The following AMDHD2 variants were observed in gnomAD, a reference collection of about 807,000 sequenced individuals.
AMDHD2 encodes the protein N-acetylglucosamine-6-phosphate deacetylase.
A neutral mutation model predicts 41.8 loss-of-function variants in AMDHD2; 24 were observed. That is an observed-to-expected ratio of 0.57 (90% confidence interval 0.42 to 0.81). The LOEUF is 0.81. AMDHD2 is among the 30% of genes least tolerant of loss of function. The pLI is 0.00. For missense variants in AMDHD2, 540 were observed against 588.5 expected (o/e 0.92, Z 0.85); for synonymous variants, 332 against 255.5 (o/e 1.30, Z -2.85).
Position 2,528,161 on chromosome 16 carries a change from G to A in AMDHD2, c.717+13G>A. On this transcript the variant is annotated intron_variant, in intron 6 of 10. Coordinates refer to ENST00000293971, the MANE Select transcript of AMDHD2 (RefSeq NM_001330449.2). ...CGCCATGCTGCCTGTGAGTGCTATG[G>A]GGCCCCAGGGGCGGGGCTGGGGTCC... The A allele has an allele frequency of 6.2e-7, 1 of 1,612,802 alleles. No individual in the cohort carries two copies. The highest frequency in any genetic ancestry group is 1.3e-5 in the African/African-American group (1 of 74,996).
In AMDHD2 at chr16:2,527,653, G is replaced by A; in HGVS notation, c.415+38G>A. The A allele has an allele frequency of 1.3e-6, 2 of 1,592,094 alleles. No homozygotes were observed. The highest frequency in any genetic ancestry group is 1.7e-6 in the Non-Finnish European group (2 of 1,170,306). ...CCTCCTCCCCGCCCCCACCCTGGGA[G>A]GCTCCTGCGGGACCTGTTGGCAGCC... On this transcript the variant is annotated intron_variant, in intron 4 of 10. Transcript: ENST00000293971. This position sits in a 1 kb window ranked among gnomAD's most constrained non-coding sequence, Gnocchi z 6.1.
chr16:2,528,919 T>C, intron 9 of AMDHD2, 75 bp from the exon 10 acceptor site: 1 of 1,494,344 alleles, frequency 6.7e-7, no homozygotes, highest in East Asian at 2.4e-5. Flanking sequence ...AGACAGGGAG[T>C]GCTGGTGTGG....
chr16:2,521,090 C>T lies in AMDHD2; in HGVS notation c.327C>T (p.Thr109=), dbSNP rs371868188. 9 of 1,603,920 alleles carry T rather than the reference C, an allele frequency of 5.6e-6. No individual in the cohort carries two copies. The highest frequency in any genetic ancestry group is 4.5e-5 in the East Asian group (2 of 44,330). The part of the protein sequence containing the change: ...LSHGVTSFCP[T]LVTSPPEVYH... The stretch of plus-strand genomic sequence containing the variant: ...ACGGCGTCACCTCCTTCTGCCCCAC[C>T]CTGGTCACTTCCCCACCGGAGGTTT... The change falls in exon 3 of 11, where the codon ACC becomes ACT. Residue 109 remains threonine, a synonymous_variant. Coordinates refer to ENST00000293971, the MANE Select transcript of AMDHD2 (RefSeq NM_001330449.2).
chr16:2,520,660 G>C, intron 1 of AMDHD2, 109 bp from the exon 2 acceptor site: 1 of 1,292,176 alleles, frequency 7.7e-7, no homozygotes, highest in South Asian at 1.9e-5. Flanking sequence ...AGGGTGCGGG[G>C]CCGGGGACCG....
At position 2,520,512 on chromosome 16, in the gene AMDHD2, C is replaced by T; in HGVS notation, c.54C>T (p.Cys18=). The stretch of plus-strand genomic sequence containing the variant: ...CCCGCGTGCTCCAGTTCACTAACTG[C>T]CGGATCCTGCGCGGAGGGAAACTGC... ...AGARVLQFTN[C]RILRGGKLLR... Residue 18 remains cysteine, a synonymous_variant, in exon 1 of 11, where the codon TGC becomes TGT. Transcript: ENST00000293971. 1.6e-6 allele frequency: 2 copies of T among 1,237,070 alleles called. No homozygotes were observed. The highest frequency in any genetic ancestry group is 2.0e-6 in the Non-Finnish European group (2 of 983,692). 76.6% of individuals were successfully genotyped at this position (1,237,070 alleles called of 1,614,324 possible). A position where few individuals can be genotyped will look rare whatever the true frequency, so the allele number is the denominator to read the frequency against.
At chr16:2,529,292 G>T in intron 10 of AMDHD2, 183 bp from the exon 11 acceptor site, 1 of 1,117,664 alleles carries the variant, frequency 8.9e-7, no homozygotes, top group Non-Finnish European at 1.3e-6. Context: ...GACAAGGCCA[G>T]GCAAGGGGTT....
chr16:2,528,913 A>AGG (rs1491143395), intron 9 of AMDHD2, 81 bp from the exon 10 acceptor site: 1 of 1,486,142 alleles, frequency 6.7e-7, no homozygotes, highest in Non-Finnish European at 9.1e-7. Context: ...TCCCTGAGAC[A>AGG]GGGAGTGCTG....
chr16:2,528,905 C>A, intron 9 of AMDHD2, 89 bp from the exon 10 acceptor site: 1 of 1,482,796 alleles, frequency 6.7e-7, no homozygotes, highest in African/African-American at 1.4e-5. Flanking sequence ...CTGCAGAGTC[C>A]CTGAGACAGG....
intron 3 of AMDHD2, among the ~76,000 whole-genome samples, chr16:2,524,594 C>T (rs1271837617): frequency 6.6e-6 from 1 of 152,064 alleles, no homozygotes; most frequent in Non-Finnish European, 1.5e-5. Flanking sequence ...TTGTTTTTTT[C>T]CTGTTTTAAT....
chr16:2,530,180 G>C lies in AMDHD2; in HGVS notation c.*617G>C, dbSNP rs1327756027. The C allele has an allele frequency of 9.4e-6, 14 of 1,482,712 alleles. No individual in the cohort carries two copies. Among genetic ancestry groups the C allele is most frequent in the African/African-American group, 1.4e-5 (1 of 72,064 alleles). 91.8% of individuals were successfully genotyped at this position (1,482,712 alleles called of 1,614,324 possible). On this transcript the variant is annotated 3_prime_UTR_variant, in exon 11 of 11. Coordinates refer to ENST00000293971, the MANE Select transcript of AMDHD2 (RefSeq NM_001330449.2). ...ACCCCTGTTTTCTGCTCCCTGGACT[G>C]CCTAGCCCTGAGTGCCACGGATGAC... is the stretch of plus-strand genomic sequence containing the variant.
chr16:2,525,401 T>C (rs2065990757), intron 3 of AMDHD2, among the ~76,000 whole-genome samples: 1 of 146,034 alleles, frequency 6.8e-6, no homozygotes, highest in Non-Finnish European at 1.5e-5. Flanking sequence ...AGTTTCGCTC[T>C]TGTTGCCCGG....
chr16:2,531,274 A>G lies in AMDHD2; in HGVS notation c.*1711A>G. ...CAGGGCTAGCCCTGGGTGGTGGGAGAGGGGCCCAGGGTCAGGGTGAGAGAG... is the reference window on the plus strand; with the variant it reads ...CAGGGCTAGCCCTGGGTGGTGGGAGGGGGGCCCAGGGTCAGGGTGAGAGAG... On this transcript the variant is annotated 3_prime_UTR_variant, in exon 11 of 11. Transcript: ENST00000293971. 1.6e-6 allele frequency: 1 copy of G among 624,178 alleles called. No individual in the cohort carries two copies. The highest frequency in any genetic ancestry group is 2.8e-6 in the Non-Finnish European group (1 of 358,128). The allele number at this position is 624,178 out of a possible 1,614,324, so 38.7% of individuals were successfully genotyped here.
At position 2,530,521 on chromosome 16, in the gene AMDHD2, T is replaced by C. The variant is rs771162870; in HGVS notation, c.*958T>C. On this transcript the variant is annotated 3_prime_UTR_variant, in exon 11 of 11. Transcript: ENST00000293971. The stretch of plus-strand genomic sequence containing the variant: ...TGGTGCAGCCCCACGTCAGGGGTGA[T>C]TGTCTTGACTTTCTCTCCATTTGAG... 1.4e-5 allele frequency: 22 copies of C among 1,614,002 alleles called. No homozygotes were observed. The highest frequency in any genetic ancestry group is 3.3e-5 in the South Asian group (3 of 91,090).
In AMDHD2 at chr16:2,531,268, T is replaced by G. The variant is rs994353468; in HGVS notation, c.*1705T>G. 21 of 653,472 alleles carry G rather than the reference T, an allele frequency of 3.2e-5. No homozygotes were observed. Among genetic ancestry groups the G allele is most frequent in the Admixed American group, 6.2e-5 (2 of 32,336 alleles). The allele number at this position is 653,472 out of a possible 1,614,324, so 40.5% of individuals were successfully genotyped here. A position where few individuals can be genotyped will look rare whatever the true frequency, so the allele number is the denominator to read the frequency against. On this transcript the variant is annotated 3_prime_UTR_variant, in exon 11 of 11. Coordinates refer to ENST00000293971, the MANE Select transcript of AMDHD2 (RefSeq NM_001330449.2). ...GGTCCACAGGGCTAGCCCTGGGTGG[T>G]GGGAGAGGGGCCCAGGGTCAGGGTG...
In AMDHD2 at chr16:2,530,972, G is replaced by C. The variant is rs762140660; in HGVS notation, c.*1409G>C. On this transcript the variant is annotated 3_prime_UTR_variant, in exon 11 of 11. Coordinates refer to ENST00000293971, the MANE Select transcript of AMDHD2 (RefSeq NM_001330449.2). ...CTGGGAGAGGAGCTGTCTTGCCAGG[G>C]CTCCCAGGCAGGGAGAGGCAGGTGA... The C allele has an allele frequency of 5.0e-6, 8 of 1,613,370 alleles. No homozygotes were observed. Among genetic ancestry groups the C allele is most frequent in the Non-Finnish European group, 6.8e-6 (8 of 1,179,920 alleles).
At chr16:2,523,986 C>T (rs1423548044) in intron 3 of AMDHD2, among the ~76,000 whole-genome samples, 1 of 152,236 alleles carries the variant, frequency 6.6e-6, no homozygotes, top group East Asian at 1.9e-4. Context: ...TAGGAAGAGT[C>T]TCTGACAAGT....
rs2066027035 is a variant in AMDHD2 at position 2,527,969 on chromosome 16, C to T, written c.612C>T (p.Gly204=). Residue 204 remains glycine (G), a synonymous_variant, in exon 5 of 11, where the codon GGC becomes GGT. Transcript: ENST00000293971. This position sits in a 1 kb window ranked among gnomAD's most constrained non-coding sequence, Gnocchi z 6.1. ...HEVIRALTAR[G]ICVSLGHSVA... is the part of the protein sequence containing the mutation. ...TGATCCGGGCGCTGACGGCCCGTGG[C>T]ATCTGCGTGTCCCTAGGTGAGGGGC... The T allele has an allele frequency of 5.6e-6, 9 of 1,604,384 alleles. No individual in the cohort carries two copies. Among genetic ancestry groups the T allele is most frequent in the East Asian group, 4.5e-5 (2 of 44,850 alleles).
intron 3 of AMDHD2, among the ~76,000 whole-genome samples, chr16:2,523,290 C>CA (rs1342308860): frequency 6.6e-6 from 1 of 152,196 alleles, no homozygotes; most frequent in Admixed American, 6.5e-5. Flanking sequence ...TCCCCTCCAG[C>CA]ACAGGATTCA....
chr16:2,527,698 A>G lies in AMDHD2; in HGVS notation c.416-75A>G. On this transcript the variant is annotated intron_variant, in intron 4 of 10. Transcript: ENST00000293971. The surrounding 1 kb of genome is among the most constrained non-coding windows in gnomAD (Gnocchi z 6.1). ...GCAGCCCCCACCCCTCCAGATGCCC[A>G]GCTGGTGGGGAGGGCAGGTGATAAG... 6.4e-7 allele frequency: 1 copy of G among 1,559,378 alleles called. No individual in the cohort carries two copies. The highest frequency in any genetic ancestry group is 8.7e-7 in the Non-Finnish European group (1 of 1,151,324).
Sources: allele counts gnomAD v4.1 joint callset (sites outside exome capture counted in the v4.1 genomes callset), GRCh38; gene constraint gnomAD v4.1.1; non-coding constraint Gnocchi (gnomAD v3.1); transcripts MANE v1.5; gene names NCBI Gene and HGNC (gene_info 2026-07-23, HGNC 2026-07-21).